AGMO: variants seen among roughly 807,000 people sequenced by gnomAD.
The protein encoded by AGMO is alkylglycerol monooxygenase.
Under a neutral mutation model 60.2 loss-of-function variants are expected in AGMO, and 75 were observed. The observed-to-expected ratio is 1.25, with a 90% CI of 1.03 to 1.51. AGMO has a LOEUF of 1.51. Among genes scored for constraint, AGMO ranks in the 40% most tolerant of loss-of-function variants. The probability of loss-of-function intolerance (pLI) is 0.00; values close to 1 mark genes in which losing one functional copy is unlikely to be tolerated. For synonymous variants in AGMO, 261 were observed against 177.1 expected, an observed-to-expected ratio of 1.47 and a Z score of -3.76; for missense variants, 763 against 525.5, an observed-to-expected ratio of 1.45 and a Z score of -4.42.
intron 5 of AGMO, among the ~76,000 whole-genome samples, chr7:15,408,919 T>C (rs961331968): frequency 3.9e-5 from 6 of 151,954 alleles, no homozygotes; most frequent in Admixed American, 2.6e-4. Context: ...AGGGAGAATT[T>C]GAGTTGGGCC....
At chr7:15,225,420 A>G (rs1028761614) in intron 12 of AGMO, among the ~76,000 whole-genome samples, 7 of 151,876 alleles carry the variant, frequency 4.6e-5, no homozygotes, top group African/African-American at 1.4e-4. Context: ...AACTTTCTCA[A>G]TATGTTTTGC....
intron 12 of AGMO, among the ~76,000 whole-genome samples, chr7:15,247,721 A>C (rs2128505251): frequency 6.6e-6 from 1 of 152,304 alleles, no homozygotes; most frequent in East Asian, 1.9e-4. Context: ...ATATCACTTT[A>C]TTATATACTT....
At chr7:15,157,219 ACT>A in the AGMO span, among the ~76,000 whole-genome samples, 1 of 152,072 alleles carries the variant, frequency 6.6e-6, no homozygotes, top group South Asian at 2.1e-4. Flanking sequence ...TGAAGCAGGC[ACT>A]CTTACTCTCT....
chr7:15,354,407 C>T (rs796925831), intron 12 of AGMO, among the ~76,000 whole-genome samples: 8,629 of 18,090 alleles, frequency 0.48, 2,024 homozygotes, highest in Non-Finnish European at 0.48. Flanking sequence ...CGTGTGTGTA[C>T]ACACGTGTGT....
intron 3 of AGMO, among the ~76,000 whole-genome samples, chr7:15,432,335 T>TATATATATACATAC (rs759130741): frequency 0.051 from 6,851 of 134,108 alleles, 264 homozygotes; most frequent in South Asian, 0.08. Context: ...TATGTATATA[T>TATATATATACATAC]ATATATATAT....
At chr7:15,210,865 G>T (rs1583294644) in intron 12 of AGMO, among the ~76,000 whole-genome samples, 1 of 152,080 alleles carries the variant, frequency 6.6e-6, no homozygotes, top group East Asian at 1.9e-4. Flanking sequence ...CTGAATAAAA[G>T]CAGCAGAGAA....
chr7:15,180,424 G>T, the AGMO span, among the ~76,000 whole-genome samples: 50 of 151,874 alleles, frequency 3.3e-4, no homozygotes, highest in Non-Finnish European at 6.5e-4. Context: ...TTCTGCCAAG[G>T]TCTTTCCTAT....
chr7:15,184,368 GA>G, the AGMO span, among the ~76,000 whole-genome samples: 1 of 4,000 alleles, frequency 2.5e-4, no homozygotes. Context: ...GGAAGGAAGG[GA>G]AGGAAGGAAG....
chr7:15,439,942 T>C (rs7806636), intron 3 of AGMO, among the ~76,000 whole-genome samples: 17,418 of 152,022 alleles, frequency 0.11, 1,117 homozygotes, highest in Non-Finnish European at 0.14. Context: ...CTTTATCTAA[T>C]CCCTTCCAAA....
intron 3 of AGMO, among the ~76,000 whole-genome samples, chr7:15,479,285 C>A: frequency 6.6e-6 from 1 of 151,980 alleles, no homozygotes; most frequent in East Asian, 1.9e-4. Flanking sequence ...AGGGAAGAAG[C>A]CAATCAAAGT....
At chr7:15,315,676 T>G (rs1780902693) in intron 12 of AGMO, among the ~76,000 whole-genome samples, 1 of 152,080 alleles carries the variant, frequency 6.6e-6, no homozygotes, top group East Asian at 1.9e-4. Flanking sequence ...ACAGAAAAGT[T>G]CTAGTTCTAA....
the AGMO span, among the ~76,000 whole-genome samples, chr7:15,152,389 G>T: frequency 0.028 from 4,323 of 152,158 alleles, 194 homozygotes; most frequent in African/African-American, 0.094. Context: ...GGGAACAAGT[G>T]ATGTTTGATT....
intron 12 of AGMO, among the ~76,000 whole-genome samples, chr7:15,253,726 A>G (rs1783014576): frequency 6.6e-6 from 1 of 152,090 alleles, no homozygotes; most frequent in South Asian, 2.1e-4. Flanking sequence ...TCTTCTAGCT[A>G]TTTGAAATAT....
At chr7:15,122,248 T>A in the AGMO span, among the ~76,000 whole-genome samples, 1 of 152,130 alleles carries the variant, frequency 6.6e-6, no homozygotes, top group Non-Finnish European at 1.5e-5. Context: ...GCAAACGATA[T>A]GAACAGACAC....
the AGMO span, among the ~76,000 whole-genome samples, chr7:15,145,687 T>C: frequency 1.3e-5 from 2 of 152,166 alleles, no homozygotes; most frequent in African/African-American, 4.8e-5. Context: ...TTCCTTAAAC[T>C]TCACAATGTC....
rs533177176 is a variant in AGMO at position 15,560,176 on chromosome 7, C to T, written c.222G>A (p.Thr74=). 47 of 1,612,832 alleles carry T rather than the reference C, an allele frequency of 2.9e-5. No individual in the cohort carries two copies. The highest frequency in any genetic ancestry group is 4.5e-5 in the East Asian group (2 of 44,834). The part of the protein sequence containing the change: ...KPPGRLDDAL[T]SISAGVLSRL... Reference sequence around the variant, plus strand: ...GAGACAGAACACCAGCTGAGATTGACGTTAAAGCATCATCCAGGCGACCTG... The same window carrying T: ...GAGACAGAACACCAGCTGAGATTGATGTTAAAGCATCATCCAGGCGACCTG... The change falls in exon 2 of 13, where the codon ACG becomes ACA. Residue 74 remains threonine (T), a synonymous_variant. Transcript: ENST00000342526.
At chr7:15,248,209 T>TATATATATATATAC (rs1782818151) in intron 12 of AGMO, among the ~76,000 whole-genome samples, 1 of 99,062 alleles carries the variant, frequency 1.0e-5, no homozygotes, top group South Asian at 2.9e-4. Flanking sequence ...TATATATATA[T>TATATATATATATAC]ATATATATAT....
chr7:15,447,660 C>T (rs1781735719), intron 3 of AGMO, among the ~76,000 whole-genome samples: 1 of 152,092 alleles, frequency 6.6e-6, no homozygotes, highest in East Asian at 1.9e-4. Context: ...AAGTGATTCT[C>T]CTGCCTGAGC....
chr7:15,347,526 G>T (rs1182554423), intron 12 of AGMO, among the ~76,000 whole-genome samples: 2 of 151,866 alleles, frequency 1.3e-5, no homozygotes, highest in East Asian at 3.9e-4. Flanking sequence ...TATCCTACTT[G>T]ATGTCTTATA....
Sources: gnomAD v4.1 joint callset for allele counts (sites outside exome capture counted in the v4.1 genomes callset) on GRCh38, gnomAD v4.1.1 for gene constraint, MANE v1.5 for transcripts, NCBI Gene and HGNC (gene_info 2026-07-23, HGNC 2026-07-21) for gene names.